Variants in UBQLN4 observed in about 807,000 individuals in gnomAD.
UBQLN4 encodes the protein ubiquilin-4.
Under a neutral mutation model 60.4 loss-of-function variants are expected in UBQLN4, and 11 were observed. The observed-to-expected ratio is 0.18, with a 90% CI of 0.11 to 0.30. The LOEUF (loss-of-function observed/expected upper bound fraction) is 0.30, where lower values mean the gene tolerates loss of function less well. Among genes scored for constraint, UBQLN4 ranks in the 10% least tolerant of loss-of-function variants. The pLI is 1.00. For synonymous variants in UBQLN4, 258 were observed against 313.1 expected (o/e 0.82, Z 1.86); for missense variants, 417 against 795.5 (o/e 0.52, Z 5.72).
rs1683415909 is a variant in UBQLN4 at position 156,036,873 on chromosome 1, A to G, written c.*105T>C. The G allele has an allele frequency of 1.3e-6, 2 of 1,534,374 alleles. No homozygotes were observed. The highest frequency in any genetic ancestry group is 2.8e-5 in the African/African-American group (2 of 72,380). On this transcript the variant is annotated 3_prime_UTR_variant, in exon 11 of 11. Transcript: ENST00000368309. ...GTCACCCTGCTGTTTGGAAAGGATG[A>G]GGGAGAAGACGGAAGGGAGGACAAG...
intron 7 of UBQLN4, 46 bp downstream of exon 7, chr1:156,042,728 G>A (rs766351941): frequency 3.8e-6 from 6 of 1,599,280 alleles, no homozygotes; most frequent in South Asian, 1.1e-5. Context: ...CCCCAACCAA[G>A]AGGAACTCTC....
At chr1:156,034,723 C>T (rs1187029848), downstream of UBQLN4, among the ~76,000 whole-genome samples, 2 of 149,988 alleles carry the variant, frequency 1.3e-5, no homozygotes, top group Admixed American at 6.7e-5. Context: ...GGGAAGAGAT[C>T]TCAGATACCC....
chr1:156,037,074 G>A lies in UBQLN4; in HGVS notation c.1710C>T (p.Gly570=). 6.2e-7 allele frequency: 1 copy of A among 1,614,220 alleles called. No individual in the cohort carries two copies. Among genetic ancestry groups the A allele is most frequent in the Non-Finnish European group, 8.5e-7 (1 of 1,180,038 alleles). The change falls in exon 11 of 11, where the codon GGC becomes GGT. Residue 570 remains glycine (G), a synonymous_variant. Coordinates refer to ENST00000368309, the MANE Select transcript of UBQLN4 (RefSeq NM_020131.5). ...GCAGGTTAGCCTCACGATTGATGAA[G>A]CCCATGGAGTTGAGCTGCTCCAGCT... is the stretch of plus-strand genomic sequence containing the variant. ...QQQLEQLNSM[G]FINREANLQA... is the part of the protein sequence containing the mutation.
At chr1:156,044,427 G>C (rs551953281) in intron 5 of UBQLN4, among the ~76,000 whole-genome samples, 1 of 152,154 alleles carries the variant, frequency 6.6e-6, no homozygotes, top group South Asian at 2.1e-4. Context: ...GCTGATGCTA[G>C]TGACTGGATA....
At position 156,050,267 on chromosome 1, in the gene UBQLN4, G is replaced by C. The variant is rs751522294; in HGVS notation, c.741+24C>G. The C allele has an allele frequency of 2.6e-6, 4 of 1,534,898 alleles. No homozygotes were observed. The South Asian group carries it at 3.8e-5, about 15-fold the overall frequency. On this transcript the variant is annotated intron_variant, in intron 4 of 10. Coordinates refer to ENST00000368309, the MANE Select transcript of UBQLN4 (RefSeq NM_020131.5). This position sits in a 1 kb window ranked among gnomAD's most constrained non-coding sequence, Gnocchi z 4.6. Reference sequence around the variant, plus strand: ...CACGGCTGGGCACCAGTGTCCTCCAGCTCTCCAGCCCTCTCATACTCACCT... The same window carrying C: ...CACGGCTGGGCACCAGTGTCCTCCACCTCTCCAGCCCTCTCATACTCACCT...
intron 1 of UBQLN4, 95 bp downstream of exon 1, chr1:156,053,499 C>T: frequency 2.0e-6 from 2 of 976,748 alleles, no homozygotes; most frequent in Non-Finnish European, 2.6e-6. Context: ...CCCTCCTCTC[C>T]GGGGCCCTCC....
Position 156,050,111 on chromosome 1 carries a change from C to T in UBQLN4, c.741+180G>A, listed in dbSNP as rs1683829650. Among the ~76,000 whole-genome samples, 1 of 152,248 alleles carries T rather than the reference C, an allele frequency of 6.6e-6. No individual in the cohort carries two copies. Among genetic ancestry groups the T allele is most frequent in the Non-Finnish European group, 1.5e-5 (1 of 68,044 alleles). On this transcript the variant is annotated intron_variant, in intron 4 of 10. Transcript: ENST00000368309. This position sits in a 1 kb window ranked among gnomAD's most constrained non-coding sequence, Gnocchi z 4.6. Reference sequence around the variant, plus strand: ...TCTAATTGCCGGTTTACTTGTCCTACTTCCCTTTGACACCTGGAATTCCTG... The same window carrying T: ...TCTAATTGCCGGTTTACTTGTCCTATTTCCCTTTGACACCTGGAATTCCTG...
At chr1:156,049,276 T>C (rs752794989) in intron 4 of UBQLN4, among the ~76,000 whole-genome samples, 15 of 152,266 alleles carry the variant, frequency 9.9e-5, no homozygotes, top group Non-Finnish European at 1.9e-4. Context: ...TGACTGCAAG[T>C]TGGGGAAGGA....
rs560731806 is a variant in UBQLN4, at chr1:156,044,726, T to C, written c.901-503A>G. ...CCGATCTTCCCTTTCCCCAGCCTCCTTGGACTAATCCTAACTCCCCAGAAC... is the reference window on the plus strand; with the variant it reads ...CCGATCTTCCCTTTCCCCAGCCTCCCTGGACTAATCCTAACTCCCCAGAAC... On this transcript the variant is annotated intron_variant, in intron 5 of 10. Transcript: ENST00000368309. 2.0e-5 allele frequency among the ~76,000 whole-genome samples: 3 copies of C among 152,148 alleles called. No individual in the cohort carries two copies. The East Asian group carries it at 5.8e-4, about 29-fold the overall frequency.
rs1683772321 is a variant in UBQLN4 at position 156,048,422 on chromosome 1, G to C, written c.900+79C>G. On this transcript the variant is annotated intron_variant, in intron 5 of 10. Coordinates refer to ENST00000368309, the MANE Select transcript of UBQLN4 (RefSeq NM_020131.5). The surrounding 1 kb of genome is among the most constrained non-coding windows in gnomAD (Gnocchi z 4.9). ...GGGACTGGGGAAAGAAAGAAGAGCA[G>C]GCCCAGGTTTGCCTGGGGTGGGGGT... 3.4e-6 allele frequency: 5 copies of C among 1,490,940 alleles called. No individual in the cohort carries two copies. The highest frequency in any genetic ancestry group is 4.5e-6 in the Non-Finnish European group (5 of 1,103,016). The allele number at this position is 1,490,940 out of a possible 1,614,324, so 92.4% of individuals were successfully genotyped here.
intron 1 of UBQLN4, among the ~76,000 whole-genome samples, chr1:156,053,079 C>T (rs891008806): frequency 1.3e-5 from 2 of 152,188 alleles, no homozygotes; most frequent in African/African-American, 4.8e-5. Context: ...GCACCTACTG[C>T]ACACCGTGTA....
rs1210330728 is a variant in UBQLN4 at position 156,048,504 on chromosome 1, T to C, written c.897A>G (p.Glu299=). The stretch of plus-strand genomic sequence containing the variant: ...CTACCCTGGCCCTTGATCCCACCTG[T>C]TCCCGGGCAGCACTGAACATGGGCT... The part of the protein sequence containing the change: ...IQEPMFSAAR[E]QFGNNPFSSL... Residue 299 remains glutamate (E), a synonymous_variant, in exon 5 of 11, where the codon GAA becomes GAG. Transcript: ENST00000368309. This position sits in a 1 kb window ranked among gnomAD's most constrained non-coding sequence, Gnocchi z 4.9. The C allele has an allele frequency of 1.9e-6, 3 of 1,609,084 alleles. No homozygotes were observed.
chr1:156,051,334 A>G lies in UBQLN4; in HGVS notation c.261-7T>C. ...AGCAGCTGGATCTTGAGCCCTGAGGACAGAGAAAGGAGAATCCTGTTGGAG... is the reference window on the plus strand; with the variant it reads ...AGCAGCTGGATCTTGAGCCCTGAGGGCAGAGAAAGGAGAATCCTGTTGGAG... On this transcript the variant is annotated splice_region_variant and splice_polypyrimidine_tract_variant and intron_variant, in intron 2 of 10. Coordinates refer to ENST00000368309, the MANE Select transcript of UBQLN4 (RefSeq NM_020131.5). 6.4e-7 allele frequency: 1 copy of G among 1,552,482 alleles called. No homozygotes were observed. Among genetic ancestry groups the G allele is most frequent in the Non-Finnish European group, 8.7e-7 (1 of 1,147,280 alleles).
chr1:156,042,799 G>A lies in UBQLN4; in HGVS notation c.1241C>T (p.Ala414Val), dbSNP rs1683603262. The change falls in exon 7 of 11, where the codon GCC becomes GTC. Residue 414 changes from alanine to valine, a missense_variant. Coordinates refer to ENST00000368309, the MANE Select transcript of UBQLN4 (RefSeq NM_020131.5). ...PYMRSMMQTL[A>V]QNPDFAAQMM... ...CTGAGCAGCAAAGTCGGGGTTCTGG[G>A]CAAGCGTCTGCATCATGCTGCGCAT... is the stretch of plus-strand genomic sequence containing the variant. The A allele has an allele frequency of 6.2e-7, 1 of 1,614,104 alleles. No individual in the cohort carries two copies.
chr1:156,042,526 A>G, intron 7 of UBQLN4: 2 of 1,160,148 alleles, frequency 1.7e-6, no homozygotes, highest in Non-Finnish European at 2.3e-6. Flanking sequence ...CCATGTTCTA[A>G]GCACTTAACG....
chr1:156,036,837 A>G lies in UBQLN4; in HGVS notation c.*141T>C, dbSNP rs895949333. 3 of 1,513,392 alleles carry G rather than the reference A, an allele frequency of 2.0e-6. No individual in the cohort carries two copies. Among genetic ancestry groups the G allele is most frequent in the Non-Finnish European group, 2.6e-6 (3 of 1,133,978 alleles). 93.7% of individuals were successfully genotyped at this position (1,513,392 alleles called of 1,614,324 possible). ...AGACAGAGCTAAGGGGTTGGAGCCCATGCCTCTAAAGTCACCCTGCTGTTT... is the reference window on the plus strand; with the variant it reads ...AGACAGAGCTAAGGGGTTGGAGCCCGTGCCTCTAAAGTCACCCTGCTGTTT... On this transcript the variant is annotated 3_prime_UTR_variant, in exon 11 of 11. Transcript: ENST00000368309.
intron 1 of UBQLN4, among the ~76,000 whole-genome samples, chr1:156,052,549 C>T (rs950111234): frequency 2.6e-5 from 4 of 152,146 alleles, no homozygotes; most frequent in South Asian, 2.1e-4. Flanking sequence ...GTCTTGAACT[C>T]GTGACCTCAG....
rs982368230 is a variant in UBQLN4, at chr1:156,053,766, C to A, written c.-65G>T. ...TCCTCCTCCTCCCCGCCCGCCCGGC[C>A]GGCCCGGCTCGGCTTCTGCGCCTCC... On this transcript the variant is annotated 5_prime_UTR_variant, in exon 1 of 11. Coordinates refer to ENST00000368309, the MANE Select transcript of UBQLN4 (RefSeq NM_020131.5). 204 of 1,050,114 alleles carry A rather than the reference C, an allele frequency of 1.9e-4. No homozygotes were observed. Among genetic ancestry groups the A allele is most frequent in the Non-Finnish European group, 2.3e-4 (190 of 819,604 alleles). The allele number at this position is 1,050,114 out of a possible 1,614,324, so 65.0% of individuals were successfully genotyped here.
chr1:156,037,995 C>T (rs1430348644), intron 10 of UBQLN4, among the ~76,000 whole-genome samples: 1 of 152,194 alleles, frequency 6.6e-6, no homozygotes, highest in African/African-American at 2.4e-5. Flanking sequence ...CAGCCTCTAT[C>T]TCCTGGGCTC....
Sources: gnomAD v4.1 joint callset for allele counts (sites outside exome capture counted in the v4.1 genomes callset) on GRCh38, gnomAD v4.1.1 for gene constraint, Gnocchi (gnomAD v3.1) non-coding constraint, MANE v1.5 for transcripts, NCBI Gene and HGNC (gene_info 2026-07-23, HGNC 2026-07-21) for gene names.